ADAMTSL1: variants seen among roughly 807,000 people sequenced by gnomAD.
ADAMTSL1 encodes the protein ADAMTS like 1.
Under a neutral mutation model 201.8 loss-of-function variants are expected in ADAMTSL1, and 126 were observed. The ratio of observed to expected loss-of-function variants is 0.62; its 90% CI spans 0.54 to 0.72. The LOEUF (loss-of-function observed/expected upper bound fraction) is 0.72, where lower values mean the gene tolerates loss of function less well. Ranked by LOEUF, ADAMTSL1 falls within the 30% of genes least tolerant of loss-of-function variation. The pLI, the probability that ADAMTSL1 is intolerant of heterozygous loss-of-function variation, is 0.00. For missense variants in ADAMTSL1, 2,679 were observed against 2,277.8 expected (o/e 1.18, Z -3.59); for synonymous variants, 1,121 against 903.4 (o/e 1.24, Z -4.32).
intron 2 of ADAMTSL1, among the ~76,000 whole-genome samples, chr9:18,414,232 A>G (rs774412447): frequency 6.6e-6 from 1 of 152,232 alleles, no homozygotes; most frequent in Non-Finnish European, 1.5e-5. Flanking sequence ...GAGATGTCAC[A>G]TAAAATATGC....
intron 4 of ADAMTSL1, among the ~76,000 whole-genome samples, chr9:18,611,095 C>T (rs111403351): frequency 6.6e-6 from 1 of 152,128 alleles, no homozygotes; most frequent in African/African-American, 2.4e-5. Flanking sequence ...CAACAAAGGA[C>T]TCTTGTGTTT....
intron 25 of ADAMTSL1, among the ~76,000 whole-genome samples, chr9:18,891,158 A>AGCCAGGCTACATGCCTCTCCTGAAG (rs1829241096): frequency 6.6e-6 from 1 of 152,224 alleles, no homozygotes; most frequent in Non-Finnish European, 1.5e-5. Flanking sequence ...CTCTCCTGAA[A>AGCCAGGCTACATGCCTCTCCTGAAG]GCCAGATGTG....
intron 2 of ADAMTSL1, among the ~76,000 whole-genome samples, chr9:18,238,513 A>G (rs1419391543): frequency 6.6e-6 from 1 of 152,122 alleles, no homozygotes; most frequent in Non-Finnish European, 1.5e-5. Flanking sequence ...ATCTCTCTGA[A>G]TATGTTTCTT....
chr9:18,313,517 G>A (rs1337455903), intron 2 of ADAMTSL1, among the ~76,000 whole-genome samples: 2 of 152,128 alleles, frequency 1.3e-5, no homozygotes, highest in African/African-American at 4.8e-5. Context: ...TGATTCAGTT[G>A]GTCAAATGAA....
chr9:18,387,099 T>A (rs141457905), intron 2 of ADAMTSL1, among the ~76,000 whole-genome samples: 145 of 152,178 alleles, frequency 9.5e-4, no homozygotes, highest in Non-Finnish European at 1.8e-3. Context: ...TACATTGGGA[T>A]CTCATTTTTA....
intron 8 of ADAMTSL1, among the ~76,000 whole-genome samples, chr9:18,658,269 C>T (rs551467910): frequency 6.8e-4 from 104 of 152,136 alleles, no homozygotes; most frequent in African/African-American, 2.4e-3. Flanking sequence ...CCACCGTGCC[C>T]GACCGAGGAA....
chr9:18,304,829 T>C (rs1241057418), intron 2 of ADAMTSL1, among the ~76,000 whole-genome samples: 2 of 152,228 alleles, frequency 1.3e-5, no homozygotes, highest in Admixed American at 1.3e-4. Context: ...GGAAAGTTTT[T>C]ACTATAAACT....
At chr9:18,634,694 C>A (rs1439933277) in intron 5 of ADAMTSL1, among the ~76,000 whole-genome samples, 1 of 150,838 alleles carries the variant, frequency 6.6e-6, no homozygotes, top group Non-Finnish European at 1.5e-5. Flanking sequence ...AAAAATTAGT[C>A]AGGCGTGATG....
chr9:18,041,870 G>A (rs1821439498), intron 1 of ADAMTSL1, among the ~76,000 whole-genome samples: 1 of 152,074 alleles, frequency 6.6e-6, no homozygotes, highest in Non-Finnish European at 1.5e-5. Flanking sequence ...TTATGTCTTT[G>A]CTATTCATAC....
intron 2 of ADAMTSL1, among the ~76,000 whole-genome samples, chr9:18,342,756 C>T (rs13297905): frequency 0.083 from 12,584 of 152,080 alleles, 683 homozygotes; most frequent in East Asian, 0.23. Context: ...ATTTCTGAGT[C>T]TTCATTTGCT....
intron 1 of ADAMTSL1, among the ~76,000 whole-genome samples, chr9:17,996,472 C>G (rs935601826): frequency 6.6e-6 from 1 of 152,002 alleles, no homozygotes; most frequent in Non-Finnish European, 1.5e-5. Flanking sequence ...CTCAGAATGA[C>G]CAGGGAGGTG....
At chr9:18,684,168 A>T (rs1042851326) in intron 12 of ADAMTSL1, among the ~76,000 whole-genome samples, 5 of 152,210 alleles carry the variant, frequency 3.3e-5, no homozygotes, top group African/African-American at 1.2e-4. Context: ...CCTCATTTGC[A>T]CATATTCCAA....
intron 2 of ADAMTSL1, among the ~76,000 whole-genome samples, chr9:18,270,541 T>C (rs534209233): frequency 1.3e-5 from 2 of 152,354 alleles, no homozygotes; most frequent in African/African-American, 4.8e-5. Context: ...GAATGCTAGC[T>C]GAGAAGTGTG....
At chr9:18,625,736 T>A (rs1408566782) in intron 5 of ADAMTSL1, among the ~76,000 whole-genome samples, 1 of 152,238 alleles carries the variant, frequency 6.6e-6, no homozygotes, top group African/African-American at 2.4e-5. Flanking sequence ...GCCAGCCTAT[T>A]TGCTATCAAT....
chr9:18,169,798 C>A (rs1348926308), intron 2 of ADAMTSL1, among the ~76,000 whole-genome samples: 2 of 152,074 alleles, frequency 1.3e-5, no homozygotes, highest in Non-Finnish European at 2.9e-5. Flanking sequence ...TCTTCTATTT[C>A]ATTGAGCAGT....
intron 2 of ADAMTSL1, among the ~76,000 whole-genome samples, chr9:18,413,764 C>CT (rs1184433645): frequency 2.0e-5 from 3 of 152,170 alleles, no homozygotes; most frequent in Non-Finnish European, 4.4e-5. Flanking sequence ...TGTAAAGTCT[C>CT]TTTCCTCACA....
At chr9:18,054,073 A>G (rs760307248) in intron 1 of ADAMTSL1, among the ~76,000 whole-genome samples, 1 of 152,154 alleles carries the variant, frequency 6.6e-6, no homozygotes, top group Non-Finnish European at 1.5e-5. Context: ...AGAAACTACT[A>G]TAATTAAAAC....
At chr9:17,983,711 T>G (rs1818814765) in intron 1 of ADAMTSL1, among the ~76,000 whole-genome samples, 2 of 152,182 alleles carry the variant, frequency 1.3e-5, no homozygotes, top group Non-Finnish European at 2.9e-5. Context: ...ATTGGACTGT[T>G]AAAATAACTT....
chr9:18,076,499 G>A (rs1823231432), intron 1 of ADAMTSL1, among the ~76,000 whole-genome samples: 1 of 152,202 alleles, frequency 6.6e-6, no homozygotes, highest in South Asian at 2.1e-4. Flanking sequence ...CAAAAATAGT[G>A]CCTCCATGGG....
Sources: allele counts gnomAD v4.1 joint callset (sites outside exome capture counted in the v4.1 genomes callset), GRCh38; gene constraint gnomAD v4.1.1; transcripts MANE v1.5; gene names NCBI Gene and HGNC (gene_info 2026-07-23, HGNC 2026-07-21).